Variants in SGMS1 observed in about 807,000 individuals in gnomAD.
SGMS1 encodes sphingomyelin synthase 1.
A neutral mutation model predicts 46.2 loss-of-function variants in SGMS1; 13 were observed. The ratio of observed to expected loss-of-function variants is 0.28; its 90% CI spans 0.18 to 0.45. SGMS1 has a LOEUF of 0.45. SGMS1 is among the 20% of genes least tolerant of loss of function. SGMS1 has a pLI of 1.00. For synonymous variants in SGMS1, 203 were observed against 187.8 expected, an observed-to-expected ratio of 1.08 and a Z score of -0.66; for missense variants, 324 against 519.9, an observed-to-expected ratio of 0.62 and a Z score of 3.66.
intron 8 of SGMS1, among the ~76,000 whole-genome samples, chr10:50,318,016 C>A (rs536322051): frequency 1.3e-5 from 2 of 152,222 alleles, no homozygotes; most frequent in South Asian, 4.1e-4. Context: ...GTTGCCCAGG[C>A]TGGTCTCAAA....
At chr10:50,327,135 C>T in intron 8 of SGMS1, 70 bp downstream of exon 8, 1 of 880,896 alleles carries the variant, frequency 1.1e-6, no homozygotes, top group Non-Finnish European at 1.9e-6. Context: ...TTCCTGCAAC[C>T]TCACTCAAAG....
intron 3 of SGMS1, among the ~76,000 whole-genome samples, chr10:50,481,996 A>T (rs1837481532): frequency 6.6e-6 from 1 of 152,182 alleles, no homozygotes; most frequent in Non-Finnish European, 1.5e-5. Flanking sequence ...GGAATGAACA[A>T]AACCTTAGAG....
At chr10:50,464,628 T>G (rs1837307890) in intron 4 of SGMS1, among the ~76,000 whole-genome samples, 1 of 152,226 alleles carries the variant, frequency 6.6e-6, no homozygotes, top group Non-Finnish European at 1.5e-5. Flanking sequence ...GAGACGGGGT[T>G]TCGCCATGTT....
intron 5 of SGMS1, among the ~76,000 whole-genome samples, chr10:50,457,784 T>C (rs1226146792): frequency 6.6e-6 from 1 of 152,246 alleles, no homozygotes; most frequent in African/African-American, 2.4e-5. Flanking sequence ...TCAAATTTTC[T>C]ATGTAGAATC....
intron 1 of SGMS1, among the ~76,000 whole-genome samples, chr10:50,593,217 C>T (rs538346625): frequency 1.3e-5 from 2 of 152,202 alleles, no homozygotes; most frequent in Admixed American, 6.5e-5. Flanking sequence ...CATCTTGGAA[C>T]CAGATCCTTC....
At chr10:50,624,519 T>G, upstream of SGMS1, 23 of 902,294 alleles carry the variant, frequency 2.5e-5, no homozygotes, top group Non-Finnish European at 3.0e-5. Context: ...TGGCGACGCC[T>G]GGGAGCGCGA....
At chr10:50,368,468 T>C (rs1848385160) in intron 6 of SGMS1, among the ~76,000 whole-genome samples, 2 of 152,240 alleles carry the variant, frequency 1.3e-5, no homozygotes, top group African/African-American at 4.8e-5. Flanking sequence ...TCAATTCTCC[T>C]GACTCAGCCT....
chr10:50,530,653 T>A (rs2133803504), intron 2 of SGMS1, among the ~76,000 whole-genome samples: 1 of 150,352 alleles, frequency 6.7e-6, no homozygotes, highest in Middle Eastern at 3.5e-3. Context: ...TCTGGCTAAT[T>A]TTTTTTTTTT....
intron 3 of SGMS1, among the ~76,000 whole-genome samples, chr10:50,506,066 C>T (rs1837704206): frequency 6.6e-6 from 1 of 152,252 alleles, no homozygotes; most frequent in East Asian, 1.9e-4. Flanking sequence ...TTCCCCATCT[C>T]CCTTGTCCTG....
Position 50,519,841 on chromosome 10 carries a change from T to C in SGMS1, c.-508A>G, listed in dbSNP as rs1837842429. On this transcript the variant is annotated 5_prime_UTR_variant, in exon 3 of 11. Transcript: ENST00000361781. ...CTGATTCTGACTTACCTGTATTTTA[T>C]TACACACCCTCTGCTGTGTTCCAAC... 6.6e-6 allele frequency: 1 copy of C among 152,326 alleles called. No individual in the cohort carries two copies. The allele number at this position is 152,326 out of a possible 1,614,324, so 9.4% of individuals were successfully genotyped here. A position where few individuals can be genotyped will look rare whatever the true frequency, so the allele number is the denominator to read the frequency against.
At chr10:50,495,790 G>T (rs1427246902) in intron 3 of SGMS1, among the ~76,000 whole-genome samples, 6 of 151,704 alleles carry the variant, frequency 4.0e-5, no homozygotes, top group Non-Finnish European at 2.9e-5. Flanking sequence ...GCAAAGTTTG[G>T]AATAGTATGC....
At chr10:50,549,254 T>C (rs1476146291) in intron 2 of SGMS1, among the ~76,000 whole-genome samples, 1 of 152,216 alleles carries the variant, frequency 6.6e-6, no homozygotes, top group East Asian at 1.9e-4. Flanking sequence ...CGTACATTCA[T>C]TGCAGCACTA....
chr10:50,417,547 C>T (rs1037682125), intron 6 of SGMS1, among the ~76,000 whole-genome samples: 1 of 152,174 alleles, frequency 6.6e-6, no homozygotes, highest in African/African-American at 2.4e-5. Context: ...AGTAAACACA[C>T]TCAGTCCAAA....
intron 2 of SGMS1, among the ~76,000 whole-genome samples, chr10:50,544,804 C>T (rs1397474460): frequency 6.6e-6 from 1 of 152,192 alleles, no homozygotes; most frequent in Non-Finnish European, 1.5e-5. Context: ...TCGGTCCCAA[C>T]ATGCCATGAA....
At chr10:50,624,536 C>A, upstream of SGMS1, 1 of 957,670 alleles carries the variant, frequency 1.0e-6, no homozygotes, top group Non-Finnish European at 1.2e-6. Context: ...GCGACGGAGG[C>A]GCAAGAGCTC....
chr10:50,550,901 C>G (rs913684622), intron 2 of SGMS1, among the ~76,000 whole-genome samples: 2 of 152,114 alleles, frequency 1.3e-5, no homozygotes, highest in African/African-American at 2.4e-5. Context: ...TGCATTATAA[C>G]CTGAAGCATA....
intron 6 of SGMS1, among the ~76,000 whole-genome samples, chr10:50,401,089 T>A (rs1488414872): frequency 6.6e-6 from 1 of 152,128 alleles, no homozygotes; most frequent in Non-Finnish European, 1.5e-5. Flanking sequence ...TAAACCAGGG[T>A]CAATTATCTG....
At chr10:50,515,828 G>A (rs1255858743) in intron 3 of SGMS1, among the ~76,000 whole-genome samples, 1 of 152,168 alleles carries the variant, frequency 6.6e-6, no homozygotes, top group Non-Finnish European at 1.5e-5. Flanking sequence ...ATTAGAATTT[G>A]CTATCAAAGC....
chr10:50,544,470 G>A (rs1297804164), intron 2 of SGMS1, among the ~76,000 whole-genome samples: 1 of 152,176 alleles, frequency 6.6e-6, no homozygotes, highest in Non-Finnish European at 1.5e-5. Context: ...TACTTCATTT[G>A]CATATGCCTC....
Sources: allele counts gnomAD v4.1 joint callset (sites outside exome capture counted in the v4.1 genomes callset), GRCh38; gene constraint gnomAD v4.1.1; transcripts MANE v1.5; gene names NCBI Gene and HGNC (gene_info 2026-07-23, HGNC 2026-07-21).